PM20D1: variants seen among roughly 807,000 people sequenced by gnomAD.
PM20D1 encodes peptidase M20 domain containing 1.
A neutral mutation model predicts 53.8 loss-of-function variants in PM20D1; 53 were observed. The ratio of observed to expected loss-of-function variants is 0.98; its 90% CI spans 0.79 to 1.24. PM20D1 has a LOEUF of 1.24. Among genes scored for constraint, PM20D1 ranks in the 50% most tolerant of loss-of-function variants. The pLI is 0.00. For synonymous variants in PM20D1, 239 were observed against 241.3 expected, an observed-to-expected ratio of 0.99 and a Z score of 0.09; for missense variants, 564 against 616.8, an observed-to-expected ratio of 0.91 and a Z score of 0.91.
In PM20D1 at chr1:205,844,865, G is replaced by T. The variant is rs1451243449; in HGVS notation, c.522C>A (p.Ile174=). 5 of 1,613,944 alleles carry T rather than the reference G, an allele frequency of 3.1e-6. No homozygotes were observed. The highest frequency in any genetic ancestry group is 1.7e-6 in the Non-Finnish European group (2 of 1,179,996). ...ALLQALELLL[I]RKYIPRRSFF... Reference sequence around the variant, plus strand: ...AAGATCTTCGGGGGATGTACTTCCTGATCAGCAGGAGCTCCAAGGCCTGCA... The same window carrying T: ...AAGATCTTCGGGGGATGTACTTCCTTATCAGCAGGAGCTCCAAGGCCTGCA... The change falls in exon 4 of 13, where the codon ATC becomes ATA. Residue 174 remains isoleucine (I), a synonymous_variant. Coordinates refer to ENST00000367136, the MANE Select transcript of PM20D1 (RefSeq NM_152491.5).
chr1:205,832,805 A>G (rs372290724), intron 10 of PM20D1, 39 bp from the exon 11 acceptor site: 2 of 1,523,474 alleles, frequency 1.3e-6, no homozygotes, highest in Admixed American at 2.1e-5. Flanking sequence ...TTTCTTATTG[A>G]TTTCTATACA....
At chr1:205,830,408 G>A in intron 11 of PM20D1, 29 bp from the exon 12 acceptor site, 1 of 1,504,082 alleles carries the variant, frequency 6.6e-7, no homozygotes, top group Non-Finnish European at 9.3e-7. Flanking sequence ...CAGGAAAGGG[G>A]CTTTACATGA....
intron 12 of PM20D1, among the ~76,000 whole-genome samples, chr1:205,829,598 C>CA (rs1452083670): frequency 1.3e-5 from 2 of 152,118 alleles, no homozygotes; most frequent in African/African-American, 4.8e-5. Flanking sequence ...TGAAAGGAAA[C>CA]AGAGTACCTA....
In PM20D1 at chr1:205,843,650, G is replaced by A; in HGVS notation, c.827+17C>T. ...CATCTCAAGTCTGGCATGGGAACAGGGCCAGGAGTTGCTTACCGGCTGACA... is the reference window on the plus strand; with the variant it reads ...CATCTCAAGTCTGGCATGGGAACAGAGCCAGGAGTTGCTTACCGGCTGACA... On this transcript the variant is annotated intron_variant, in intron 6 of 12. Transcript: ENST00000367136. 1 of 1,611,724 alleles carries A rather than the reference G, an allele frequency of 6.2e-7. No individual in the cohort carries two copies. The highest frequency in any genetic ancestry group is 8.5e-7 in the Non-Finnish European group (1 of 1,179,150).
chr1:205,838,043 AC>A (rs1438691486), intron 10 of PM20D1, among the ~76,000 whole-genome samples: 1 of 151,956 alleles, frequency 6.6e-6, no homozygotes. Context: ...CAGGATGTCA[AC>A]CTTCTCCCCG....
At chr1:205,840,136 G>C (rs1656773716) in intron 10 of PM20D1, 116 bp downstream of exon 10, 1 of 787,290 alleles carries the variant, frequency 1.3e-6, no homozygotes, top group South Asian at 3.0e-5. Flanking sequence ...TTTGAAAAAT[G>C]TTGGTTGAAT....
At chr1:205,833,800 T>C (rs141902690) in intron 10 of PM20D1, among the ~76,000 whole-genome samples, 128 of 152,256 alleles carry the variant, frequency 8.4e-4, no homozygotes, top group Middle Eastern at 6.8e-3. Context: ...AAGGGGGGGT[T>C]GTCCCATAGC....
rs1657103142 is a variant in PM20D1 at position 205,850,130 on chromosome 1, A to G, written c.-58T>C. ...GGGTAGTTCTGACCTAAACGCCCAGACTAGCGTTTCTTGGCCCTAGCTCTG... is the reference window on the plus strand; with the variant it reads ...GGGTAGTTCTGACCTAAACGCCCAGGCTAGCGTTTCTTGGCCCTAGCTCTG... On this transcript the variant is annotated 5_prime_UTR_variant, in exon 1 of 13. Transcript: ENST00000367136. 4 of 1,552,096 alleles carry G rather than the reference A, an allele frequency of 2.6e-6. No homozygotes were observed. Among genetic ancestry groups the G allele is most frequent in the Non-Finnish European group, 3.5e-6 (4 of 1,143,662 alleles).
intron 11 of PM20D1, among the ~76,000 whole-genome samples, chr1:205,831,289 C>G (rs1571666142): frequency 6.6e-6 from 1 of 152,168 alleles, no homozygotes; most frequent in South Asian, 2.1e-4. Context: ...ACATCCAGGC[C>G]CTTCAAGTTC....
chr1:205,837,322 C>T (rs186865054), intron 10 of PM20D1, among the ~76,000 whole-genome samples: 8 of 152,364 alleles, frequency 5.3e-5, no homozygotes, highest in Admixed American at 5.2e-4. Context: ...CAAGATAGCA[C>T]ATTCCAAAAC....
chr1:205,829,054 A>C (rs887509766), intron 12 of PM20D1, among the ~76,000 whole-genome samples: 3 of 152,200 alleles, frequency 2.0e-5, no homozygotes, highest in African/African-American at 4.8e-5. Context: ...TTCTTGAGAT[A>C]GGTTCTCACT....
intron 5 of PM20D1, 78 bp downstream of exon 5, chr1:205,844,009 C>T: frequency 3.2e-6 from 5 of 1,541,032 alleles, no homozygotes; most frequent in Admixed American, 1.9e-5. Flanking sequence ...CTCAGCATGG[C>T]TCACAGATAC....
At chr1:205,839,318 G>C (rs1302641619) in intron 10 of PM20D1, among the ~76,000 whole-genome samples, 1 of 152,154 alleles carries the variant, frequency 6.6e-6, no homozygotes, top group Admixed American at 6.5e-5. Context: ...CTAAGAAGTA[G>C]CATGAATTTC....
At chr1:205,831,556 C>T (rs550544070) in intron 11 of PM20D1, among the ~76,000 whole-genome samples, 60 of 140,128 alleles carry the variant, frequency 4.3e-4, no homozygotes, top group African/African-American at 1.4e-3. Context: ...TATTGAGCAA[C>T]GTCTCTCTCC....
chr1:205,845,517 T>A lies in PM20D1; in HGVS notation c.297A>T (p.Glu99Asp), dbSNP rs759885070. Residue 99 changes from glutamate (E) to aspartate (D), a missense_variant, in exon 3 of 13, where the codon GAA (glutamate) becomes GAT (aspartate). Glu to Asp is a conservative substitution (Grantham distance 45). Coordinates refer to ENST00000367136, the MANE Select transcript of PM20D1 (RefSeq NM_152491.5). ...TVVSTSFIQH[E>D]VVEEYSHLFT... ...ACAGGTGGCTATACTCTTCCACGAC[T>A]TCATGCTGGATAAAGCTGGTGCTGA... The A allele has an allele frequency of 4.1e-5, 66 of 1,614,176 alleles. No homozygotes were observed. In the East Asian group the frequency reaches 1.4e-3, roughly 35 times the overall value.
At chr1:205,840,624 C>T (rs893247486) in intron 9 of PM20D1, among the ~76,000 whole-genome samples, 2 of 152,146 alleles carry the variant, frequency 1.3e-5, no homozygotes, top group Non-Finnish European at 2.9e-5. Context: ...CTGTTTTGGC[C>T]CCATGCTGTG....
At chr1:205,836,514 C>T (rs1346491632) in intron 10 of PM20D1, among the ~76,000 whole-genome samples, 1 of 152,120 alleles carries the variant, frequency 6.6e-6, no homozygotes, top group Admixed American at 6.5e-5. Context: ...TATCTAATCC[C>T]TCTCCTTTTT....
rs745551379 is a variant in PM20D1 at position 205,850,087 on chromosome 1, C to T, written c.-15G>A. ...CGCTGAGCCATGCTTCTCTCGAGCT[C>T]CTGCTGTCAGGCTACCGGGGTAGTT... On this transcript the variant is annotated 5_prime_UTR_variant, in exon 1 of 13. Transcript: ENST00000367136. The T allele has an allele frequency of 6.2e-7, 1 of 1,608,716 alleles. No individual in the cohort carries two copies. The highest frequency in any genetic ancestry group is 1.7e-5 in the Admixed American group (1 of 59,802).
intron 3 of PM20D1, 40 bp from the exon 4 acceptor site, chr1:205,844,937 A>G: frequency 1.9e-6 from 3 of 1,564,622 alleles, no homozygotes; most frequent in Non-Finnish European, 1.8e-6. Flanking sequence ...AAAAGACGTT[A>G]TTTAGGTGGG....
Sources: gnomAD v4.1 joint callset for allele counts (sites outside exome capture counted in the v4.1 genomes callset) on GRCh38, gnomAD v4.1.1 for gene constraint, MANE v1.5 for transcripts, NCBI Gene and HGNC (gene_info 2026-07-23, HGNC 2026-07-21) for gene names.